PITPNM3: variants seen among roughly 807,000 people sequenced by gnomAD.
PITPNM3 encodes the protein membrane-associated phosphatidylinositol transfer protein 3.
PITPNM3 carries 26 observed loss-of-function variants against 102.0 expected under a neutral mutation model. The observed-to-expected ratio is 0.25, with a 90% CI of 0.19 to 0.35. PITPNM3 has a LOEUF of 0.35. PITPNM3 is among the 10% of genes least tolerant of loss of function. The pLI is 1.00. For synonymous variants in PITPNM3, 578 were observed against 558.6 expected, an observed-to-expected ratio of 1.03 and a Z score of -0.49; for missense variants, 1,083 against 1,346.1, an observed-to-expected ratio of 0.80 and a Z score of 3.06.
chr17:6,553,833 GCTCT>G (rs983523158), intron 1 of PITPNM3, among the ~76,000 whole-genome samples: 2 of 151,816 alleles, frequency 1.3e-5, no homozygotes, highest in Admixed American at 6.6e-5. Context: ...CAGCCACCCC[GCTCT>G]CTATGTTCTC....
chr17:6,484,856 C>T (rs992776184), intron 4 of PITPNM3, among the ~76,000 whole-genome samples: 1 of 152,176 alleles, frequency 6.6e-6, no homozygotes, highest in African/African-American at 2.4e-5. Context: ...CCGTGCAGTC[C>T]GTGAGGGTCT....
At chr17:6,464,859 G>T in intron 14 of PITPNM3, 88 bp from the exon 15 acceptor site, 1 of 1,228,918 alleles carries the variant, frequency 8.1e-7, no homozygotes, top group Non-Finnish European at 1.2e-6. Flanking sequence ...ACTGGCTGGA[G>T]GCATATCAGC....
At chr17:6,491,413 G>T (rs955569308) in intron 4 of PITPNM3, among the ~76,000 whole-genome samples, 1 of 152,194 alleles carries the variant, frequency 6.6e-6, no homozygotes, top group Non-Finnish European at 1.5e-5. Flanking sequence ...ATGGAACAGC[G>T]TGAAGCTGTT....
At chr17:6,502,712 C>T (rs909734896) in intron 4 of PITPNM3, among the ~76,000 whole-genome samples, 1 of 152,146 alleles carries the variant, frequency 6.6e-6, no homozygotes, top group African/African-American at 2.4e-5. Context: ...AGCACAACCC[C>T]ACCCCAAACA....
chr17:6,465,249 T>C (rs1456273850), intron 14 of PITPNM3, among the ~76,000 whole-genome samples: 1 of 152,176 alleles, frequency 6.6e-6, no homozygotes, highest in Non-Finnish European at 1.5e-5. Flanking sequence ...TTTCTCCGTG[T>C]TGATCAGGCT....
Position 6,457,537 on chromosome 17 carries a change from T to C in PITPNM3, c.2619+57A>G. ...GAATGAATGAAGTGCTTACTCCCTC[T>C]ATCCCTTTCCCTGACCTCCCTCACA... On this transcript the variant is annotated intron_variant, in intron 19 of 19. Transcript: ENST00000262483. The surrounding 1 kb of genome is among the most constrained non-coding windows in gnomAD (Gnocchi z 4.7). 6.2e-7 allele frequency: 1 copy of C among 1,609,926 alleles called. No individual in the cohort carries two copies. Among genetic ancestry groups the C allele is most frequent in the South Asian group, 1.1e-5 (1 of 90,362 alleles).
intron 1 of PITPNM3, among the ~76,000 whole-genome samples, chr17:6,548,393 C>T (rs1910139917): frequency 6.6e-6 from 1 of 152,152 alleles, no homozygotes; most frequent in African/African-American, 2.4e-5. Flanking sequence ...CACACACACA[C>T]CCGAACTGGG....
At chr17:6,552,696 T>A (rs984527935) in intron 1 of PITPNM3, among the ~76,000 whole-genome samples, 3 of 150,622 alleles carry the variant, frequency 2.0e-5, no homozygotes, top group Non-Finnish European at 4.4e-5. Flanking sequence ...TTCCTTTCCA[T>A]CCTCCTAGCC....
At chr17:6,545,619 C>T (rs1274374728) in intron 1 of PITPNM3, among the ~76,000 whole-genome samples, 2 of 152,234 alleles carry the variant, frequency 1.3e-5, no homozygotes, top group African/African-American at 4.8e-5. Flanking sequence ...GCTCCTCTTC[C>T]TCTCCAGGCC....
At position 6,463,794 on chromosome 17, in the gene PITPNM3, C is replaced by A. The variant is rs201446286; in HGVS notation, c.2244G>T (p.Ala748=). Residue 748 remains alanine, a synonymous_variant, in exon 17 of 20, where the codon GCG becomes GCT. Coordinates refer to ENST00000262483, the MANE Select transcript of PITPNM3 (RefSeq NM_031220.4). Reference sequence around the variant, plus strand: ...CGCTTCCCATGATAGACACGCTGGCCGCGAAGGACCCATCAATGCTGAACA... The same window carrying A: ...CGCTTCCCATGATAGACACGCTGGCAGCGAAGGACCCATCAATGCTGAACA... ...CVVFSIDGSF[A]ASVSIMGSDP... 6.2e-7 allele frequency: 1 copy of A among 1,613,210 alleles called. No homozygotes were observed. Among genetic ancestry groups the A allele is most frequent in the Non-Finnish European group, 8.5e-7 (1 of 1,179,942 alleles).
intron 1 of PITPNM3, among the ~76,000 whole-genome samples, chr17:6,553,748 C>T (rs1034265626): frequency 5.3e-5 from 8 of 152,110 alleles, no homozygotes; most frequent in Admixed American, 1.3e-4. Flanking sequence ...CACCCCCCGC[C>T]GCCCCACCCC....
intron 2 of PITPNM3, among the ~76,000 whole-genome samples, chr17:6,528,411 TC>T (rs1396335647): frequency 6.6e-6 from 1 of 152,158 alleles, no homozygotes; most frequent in Non-Finnish European, 1.5e-5. Flanking sequence ...AAGGGTGTTC[TC>T]CCTCCCCTCC....
rs1397746585 is a variant in PITPNM3, at chr17:6,468,346, C to A, written c.1774-5G>T. On this transcript the variant is annotated splice_polypyrimidine_tract_variant and splice_region_variant and intron_variant, in intron 13 of 19. Coordinates refer to ENST00000262483, the MANE Select transcript of PITPNM3 (RefSeq NM_031220.4). The surrounding 1 kb of genome is among the most constrained non-coding windows in gnomAD (Gnocchi z 5.2). ...CACGCTCTCATAGCGCATTACCTAG[C>A]CAAGAGCCGAGCAGGGCCCCGGTCA... 1 of 1,614,022 alleles carries A rather than the reference C, an allele frequency of 6.2e-7. No homozygotes were observed. The highest frequency in any genetic ancestry group is 8.5e-7 in the Non-Finnish European group (1 of 1,179,940).
chr17:6,515,215 G>C (rs949904010), intron 3 of PITPNM3, among the ~76,000 whole-genome samples: 1 of 151,888 alleles, frequency 6.6e-6, no homozygotes, highest in African/African-American at 2.4e-5. Context: ...GGCCAACATA[G>C]TGAAACCCTG....
chr17:6,525,549 C>A (rs1210712600), intron 2 of PITPNM3, 86 bp from the exon 3 acceptor site: 5 of 972,896 alleles, frequency 5.1e-6, no homozygotes, highest in Non-Finnish European at 8.3e-6. Context: ...GGGACATTTT[C>A]TCTTGTCCTA....
At chr17:6,482,622 G>A (rs1905811369) in intron 6 of PITPNM3, among the ~76,000 whole-genome samples, 1 of 152,206 alleles carries the variant, frequency 6.6e-6, no homozygotes, top group African/African-American at 2.4e-5. Context: ...TGGTATCGGT[G>A]TCAGAAGTTT....
At chr17:6,505,953 T>C (rs1331677703) in intron 3 of PITPNM3, among the ~76,000 whole-genome samples, 1 of 152,006 alleles carries the variant, frequency 6.6e-6, no homozygotes, top group Non-Finnish European at 1.5e-5. Flanking sequence ...GTTTTGACAG[T>C]AGAGGAAAGG....
intron 3 of PITPNM3, among the ~76,000 whole-genome samples, chr17:6,513,769 T>G (rs978913220): frequency 1.3e-5 from 2 of 152,216 alleles, no homozygotes; most frequent in Non-Finnish European, 2.9e-5. Context: ...CACTGGCATT[T>G]TTGCAGAAAT....
At chr17:6,495,662 T>C (rs1597383801) in intron 4 of PITPNM3, among the ~76,000 whole-genome samples, 1 of 152,004 alleles carries the variant, frequency 6.6e-6, no homozygotes, top group East Asian at 1.9e-4. Flanking sequence ...TGCACATGTG[T>C]GCATGCTGCA....
Sources: allele counts gnomAD v4.1 joint callset (sites outside exome capture counted in the v4.1 genomes callset), GRCh38; gene constraint gnomAD v4.1.1; non-coding constraint Gnocchi (gnomAD v3.1); transcripts MANE v1.5; gene names NCBI Gene and HGNC (gene_info 2026-07-23, HGNC 2026-07-21).